Variants in SLC35F1 observed in about 807,000 individuals in gnomAD.
The protein encoded by SLC35F1 is solute carrier family 35 member F1.
A neutral mutation model predicts 48.7 loss-of-function variants in SLC35F1; 14 were observed. The ratio of observed to expected loss-of-function variants is 0.29; its 90% CI spans 0.19 to 0.45. SLC35F1 has a LOEUF of 0.45. Among genes scored for constraint, SLC35F1 ranks in the 20% least tolerant of loss-of-function variants. The pLI, the probability that SLC35F1 is intolerant of heterozygous loss-of-function variation, is 1.00. For missense variants in SLC35F1, 404 were observed against 500.0 expected (o/e 0.81, Z 1.83); for synonymous variants, 190 against 202.2 (o/e 0.94, Z 0.51).
At chr6:118,000,953 TACAA>T (rs1418423454) in intron 1 of SLC35F1, among the ~76,000 whole-genome samples, 5 of 151,862 alleles carry the variant, frequency 3.3e-5, no homozygotes, top group African/African-American at 1.2e-4. Context: ...TAAAAGAGGA[TACAA>T]ACAAATGGAA....
chr6:118,072,575 A>G (rs182294531), intron 1 of SLC35F1, among the ~76,000 whole-genome samples: 110 of 152,292 alleles, frequency 7.2e-4, no homozygotes, highest in Non-Finnish European at 9.3e-4. Context: ...AAAAAAGAAA[A>G]AAAAAATTAG....
intron 2 of SLC35F1, among the ~76,000 whole-genome samples, chr6:118,232,972 G>GT (rs72399657): frequency 0.44 from 64,810 of 147,222 alleles, 14,833 homozygotes; most frequent in Non-Finnish European, 0.54. Context: ...GACTTTTCTG[G>GT]TTTTTTTTTT....
chr6:117,992,220 T>C (rs1457247659), intron 1 of SLC35F1, among the ~76,000 whole-genome samples: 1 of 152,192 alleles, frequency 6.6e-6, no homozygotes, highest in Non-Finnish European at 1.5e-5. Flanking sequence ...AATTGTTTTC[T>C]GTTTTACACA....
intron 2 of SLC35F1, among the ~76,000 whole-genome samples, chr6:118,192,851 A>C (rs1774750117): frequency 6.6e-6 from 1 of 152,164 alleles, no homozygotes. Flanking sequence ...AGAGGTCAGA[A>C]AAGACAATTT....
intron 2 of SLC35F1, among the ~76,000 whole-genome samples, chr6:118,167,830 C>A (rs1244049599): frequency 6.6e-6 from 1 of 152,170 alleles, no homozygotes; most frequent in Non-Finnish European, 1.5e-5. Flanking sequence ...CTCAGCTCCA[C>A]TAACATTTTG....
At chr6:118,111,703 A>G (rs961429995) in intron 1 of SLC35F1, among the ~76,000 whole-genome samples, 2 of 152,228 alleles carry the variant, frequency 1.3e-5, no homozygotes, top group Non-Finnish European at 2.9e-5. Context: ...GTTATTCTTA[A>G]TTGATCTAAC....
intron 1 of SLC35F1, among the ~76,000 whole-genome samples, chr6:117,932,533 T>A (rs1776115859): frequency 6.6e-6 from 1 of 152,176 alleles, no homozygotes; most frequent in African/African-American, 2.4e-5. Context: ...ATAAATTAAC[T>A]TTCTGTACCC....
chr6:118,307,608 G>T (rs563835276), intron 7 of SLC35F1, among the ~76,000 whole-genome samples: 2 of 152,244 alleles, frequency 1.3e-5, no homozygotes, highest in African/African-American at 4.8e-5. Flanking sequence ...CCGAACTTTT[G>T]CATTTTTAAT....
chr6:118,271,286 C>T (rs1194107893), intron 4 of SLC35F1, among the ~76,000 whole-genome samples: 1 of 152,122 alleles, frequency 6.6e-6, no homozygotes, highest in African/African-American at 2.4e-5. Flanking sequence ...AATTACGTGG[C>T]CCAGATATGA....
At chr6:117,919,340 T>TA (rs1310066552) in intron 1 of SLC35F1, among the ~76,000 whole-genome samples, 1 of 152,208 alleles carries the variant, frequency 6.6e-6, no homozygotes, top group African/African-American at 2.4e-5. Flanking sequence ...GTAAACTGGT[T>TA]AAAATAATTC....
At chr6:118,267,929 G>GA (rs113773291) in intron 4 of SLC35F1, among the ~76,000 whole-genome samples, 6,044 of 151,676 alleles carry the variant, frequency 0.04, 415 homozygotes, top group African/African-American at 0.14. Context: ...TTTTGGAACA[G>GA]AAAAAAAATG....
chr6:118,276,527 CTG>C (rs112760525), intron 5 of SLC35F1, among the ~76,000 whole-genome samples: 6,061 of 152,210 alleles, frequency 0.04, 411 homozygotes, highest in African/African-American at 0.14. Context: ...TCTTGAGATA[CTG>C]GTGAAAAACT....
At chr6:118,140,163 G>A (rs1003751153) in intron 1 of SLC35F1, among the ~76,000 whole-genome samples, 3 of 152,152 alleles carry the variant, frequency 2.0e-5, no homozygotes, top group Non-Finnish European at 4.4e-5. Flanking sequence ...AGATGAGCAA[G>A]GTGCATTGAG....
intron 1 of SLC35F1, among the ~76,000 whole-genome samples, chr6:118,012,162 G>A (rs1777257612): frequency 6.6e-6 from 1 of 151,990 alleles, no homozygotes; most frequent in Non-Finnish European, 1.5e-5. Context: ...AGGAGGTAAA[G>A]GAATAGGAGA....
At chr6:118,219,102 C>A (rs1775112945) in intron 2 of SLC35F1, among the ~76,000 whole-genome samples, 1 of 152,142 alleles carries the variant, frequency 6.6e-6, no homozygotes, top group Non-Finnish European at 1.5e-5. Flanking sequence ...CAGGAGCTGA[C>A]TCACTAGTGC....
intron 2 of SLC35F1, among the ~76,000 whole-genome samples, chr6:118,182,521 AAGGAAGGAAGGAAG>A (rs1306790654): frequency 9.4e-6 from 1 of 106,290 alleles, no homozygotes; most frequent in African/African-American, 7.3e-5. Context: ...AGAGAGAGAG[AAGGAAGGAAGGAAG>A]GAAGGAAGGA....
At chr6:118,203,870 A>G (rs1318462825) in intron 2 of SLC35F1, among the ~76,000 whole-genome samples, 2 of 152,164 alleles carry the variant, frequency 1.3e-5, no homozygotes, top group Non-Finnish European at 2.9e-5. Context: ...GCACTCCTAC[A>G]CACTTTGAAC....
chr6:118,116,938 T>C (rs1257818058), intron 1 of SLC35F1, among the ~76,000 whole-genome samples: 1 of 152,226 alleles, frequency 6.6e-6, no homozygotes, highest in Non-Finnish European at 1.5e-5. Context: ...TTTGCACTCA[T>C]GTGTATCCAA....
intron 1 of SLC35F1, among the ~76,000 whole-genome samples, chr6:118,049,208 T>G (rs1226088438): frequency 5.9e-5 from 9 of 152,070 alleles, no homozygotes; most frequent in East Asian, 1.9e-4. Context: ...TATACAAAAA[T>G]TAATTCAAGA....
Sources: gnomAD v4.1 joint callset for allele counts (sites outside exome capture counted in the v4.1 genomes callset) on GRCh38, gnomAD v4.1.1 for gene constraint, MANE v1.5 for transcripts, NCBI Gene and HGNC (gene_info 2026-07-23, HGNC 2026-07-21) for gene names.